Variants in CACNA1A observed in about 807,000 individuals in gnomAD.
CACNA1A encodes the protein voltage-dependent P/Q-type calcium channel subunit alpha-1A.
Under a neutral mutation model 262.4 loss-of-function variants are expected in CACNA1A, and 57 were observed. The ratio of observed to expected loss-of-function variants is 0.22; its 90% CI spans 0.18 to 0.27. The LOEUF (loss-of-function observed/expected upper bound fraction) is 0.27. Among genes scored for constraint, CACNA1A ranks in the 10% least tolerant of loss-of-function variants. CACNA1A has a pLI of 1.00. For synonymous variants in CACNA1A, 1,431 were observed against 1,419.3 expected, an observed-to-expected ratio of 1.01 and a Z score of -0.18; for missense variants, 2,526 against 3,562.8, an observed-to-expected ratio of 0.71 and a Z score of 7.41.
At chr19:13,243,013 G>T (rs1164852275) in intron 31 of CACNA1A, among the ~76,000 whole-genome samples, 1 of 152,224 alleles carries the variant, frequency 6.6e-6, no homozygotes, top group Non-Finnish European at 1.5e-5. Context: ...GTGATTGAAG[G>T]TTTCAGCTAA....
intron 46 of CACNA1A, among the ~76,000 whole-genome samples, chr19:13,208,545 G>A (rs1343032717): frequency 6.6e-6 from 1 of 151,272 alleles, no homozygotes; most frequent in Non-Finnish European, 1.5e-5. Context: ...TGGGCAAGGG[G>A]GCTGGGGGGA....
At position 13,332,860 on chromosome 19, in the gene CACNA1A, A is replaced by G. The variant is rs759656495; in HGVS notation, c.1255+9T>C. On this transcript the variant is annotated intron_variant, in intron 9 of 46. Coordinates refer to ENST00000360228, the MANE Select transcript of CACNA1A (RefSeq NM_001127222.2). ...GGACCCACCCCTGAGGTGGGTTTAG[A>G]GCAGTTACCATCAAAGGGATGCCTC... 6.2e-6 allele frequency: 10 copies of G among 1,605,642 alleles called. No individual in the cohort carries two copies. Among genetic ancestry groups the G allele is most frequent in the Admixed American group, 1.7e-5 (1 of 59,988 alleles).
chr19:13,293,987 T>C (rs1168948496), intron 19 of CACNA1A, among the ~76,000 whole-genome samples: 1 of 152,126 alleles, frequency 6.6e-6, no homozygotes, highest in Non-Finnish European at 1.5e-5. Flanking sequence ...TCCTGGCATA[T>C]TGTTAGGGAG....
At chr19:13,366,687 A>AGCC (rs1438483895) in intron 4 of CACNA1A, among the ~76,000 whole-genome samples, 1 of 151,968 alleles carries the variant, frequency 6.6e-6, no homozygotes, top group African/African-American at 2.4e-5. Context: ...TTGCTTTTGG[A>AGCC]GCCATATTCC....
chr19:13,234,861 G>A, intron 34 of CACNA1A, 60 bp downstream of exon 34: 1 of 1,128,116 alleles, frequency 8.9e-7, no homozygotes, highest in Non-Finnish European at 1.4e-6. Context: ...GGAACAGAAG[G>A]ATGAAGGCAG....
At chr19:13,262,528 G>T in intron 25 of CACNA1A, 1 of 534,334 alleles carries the variant, frequency 1.9e-6, no homozygotes. Flanking sequence ...AAGAAAAACT[G>T]CCATAATACA....
chr19:13,266,355 C>T (rs1207459466), intron 24 of CACNA1A, among the ~76,000 whole-genome samples: 2 of 152,010 alleles, frequency 1.3e-5, no homozygotes, highest in Admixed American at 1.3e-4. Context: ...TGCAGGCATG[C>T]ACCACTGCAC....
chr19:13,303,737 T>C, intron 16 of CACNA1A, 30 bp downstream of exon 16: 4 of 1,577,880 alleles, frequency 2.5e-6, no homozygotes, highest in Non-Finnish European at 3.5e-6. Context: ...GGTCCAGGCC[T>C]GTCCCCTTCT....
chr19:13,279,127 A>G (rs2057223316), intron 22 of CACNA1A, among the ~76,000 whole-genome samples: 1 of 152,154 alleles, frequency 6.6e-6, no homozygotes, highest in Admixed American at 6.5e-5. Context: ...ATGGAAGGAA[A>G]GAAGGAAGAG....
chr19:13,229,375 G>C (rs944248413), intron 36 of CACNA1A, among the ~76,000 whole-genome samples: 7 of 152,148 alleles, frequency 4.6e-5, no homozygotes, highest in Non-Finnish European at 5.9e-5. Context: ...GTTAGTGGCT[G>C]GTGGGTTCCA....
At position 13,212,423 on chromosome 19, in the gene CACNA1A, G is replaced by C; in HGVS notation, c.6150C>G (p.Gly2050=). Residue 2050 remains glycine, a synonymous_variant, in exon 42 of 47, where the codon GGC becomes GGG. Coordinates refer to ENST00000360228, the MANE Select transcript of CACNA1A (RefSeq NM_001127222.2). The surrounding 1 kb of genome is among the most constrained non-coding windows in gnomAD (Gnocchi z 5.6). Reference sequence around the variant, plus strand: ...GGCTGTTGGGCATGTCGGTAGGGGGGCCTTGTTCCGGACTCCATGTGCCCG... The same window carrying C: ...GGCTGTTGGGCATGTCGGTAGGGGGCCCTTGTTCCGGACTCCATGTGCCCG... ...QKTGTWSPEQ[G]PPTDMPNSQP... The C allele has an allele frequency of 6.2e-7, 1 of 1,613,186 alleles. No individual in the cohort carries two copies.
intron 8 of CACNA1A, 65 bp from the exon 9 acceptor site, chr19:13,332,990 A>G: frequency 7.6e-7 from 1 of 1,308,534 alleles, no homozygotes; most frequent in Non-Finnish European, 1.1e-6. Flanking sequence ...TTGGACCAGG[A>G]AGAAGGGTCT....
At chr19:13,365,176 C>T in intron 5 of CACNA1A, 141 bp downstream of exon 5, 2 of 641,608 alleles carry the variant, frequency 3.1e-6, no homozygotes, top group South Asian at 5.4e-5. Context: ...CTATTTCACT[C>T]ACTGCCTCTC....
rs1201892162 is a variant in CACNA1A, at chr19:13,402,873, C to CACATATATATATAT, written c.540-31095_540-31094insATATATATATATGT. The stretch of plus-strand genomic sequence containing the variant: ...ATATATATATACACACACACACACA[C>CACATATATATATAT]ATATATATATATATATATATATATA... On this transcript the variant is annotated intron_variant, in intron 3 of 46. Transcript: ENST00000360228. 4.1e-5 allele frequency among the ~76,000 whole-genome samples: 3 copies of CACATATATATATAT among 72,812 alleles called. 1 individual carries two copies. Among genetic ancestry groups the CACATATATATATAT allele is most frequent in the East Asian group, 3.3e-4 (1 of 3,046 alleles). The allele number at this position is 72,812 out of a possible 152,430, so 47.8% of individuals were successfully genotyped here. A position where few individuals can be genotyped will look rare whatever the true frequency, so the allele number is the denominator to read the frequency against.
chr19:13,385,871 G>C (rs982737536), intron 3 of CACNA1A, among the ~76,000 whole-genome samples: 1 of 151,930 alleles, frequency 6.6e-6, no homozygotes, highest in Non-Finnish European at 1.5e-5. Context: ...ATTTAAAGAA[G>C]AGAGTCCAGG....
At chr19:13,475,082 A>ACATG (rs1978361628) in intron 1 of CACNA1A, among the ~76,000 whole-genome samples, 1 of 152,230 alleles carries the variant, frequency 6.6e-6, no homozygotes, top group African/African-American at 2.4e-5. Flanking sequence ...TCAGAAGTTT[A>ACATG]CATGCATGTG....
intron 1 of CACNA1A, among the ~76,000 whole-genome samples, chr19:13,458,823 G>A (rs767523101): frequency 3.6e-4 from 55 of 152,182 alleles, no homozygotes; most frequent in African/African-American, 6.8e-4. Flanking sequence ...AGTGTCCCAC[G>A]CCAACAGGCT....
In CACNA1A at chr19:13,299,241, C is replaced by G. The variant is rs1380195853; in HGVS notation, c.2392G>C (p.Asp798His). The G allele has an allele frequency of 1.2e-6, 2 of 1,609,398 alleles. No individual in the cohort carries two copies. Among genetic ancestry groups the G allele is most frequent in the Non-Finnish European group, 1.7e-6 (2 of 1,179,846 alleles). Residue 798 changes from aspartate to histidine, a missense_variant, in exon 19 of 47, where the codon GAC becomes CAC. Around this residue, in one of 17 missense-constraint regions of CACNA1A, gnomAD observed 765 missense variants for 748.6 expected, o/e 1.02. Transcript: ENST00000360228. Reference sequence around the variant, plus strand: ...GCAGCCTTCCAGCGCTCGTCCGGGTCCATTTCGTTATACAGGGCCTCCCGG... The same window carrying G: ...GCAGCCTTCCAGCGCTCGTCCGGGTGCATTTCGTTATACAGGGCCTCCCGG... The part of the protein sequence containing the change: ...ASREALYNEM[D>H]PDERWKAAYT...
intron 3 of CACNA1A, among the ~76,000 whole-genome samples, chr19:13,429,959 G>A (rs992701507): frequency 7.2e-6 from 1 of 139,854 alleles, no homozygotes; most frequent in African/African-American, 2.7e-5. Flanking sequence ...GCCAGGGGCT[G>A]GGGGAGTGGG....
Sources: gnomAD v4.1 joint callset for allele counts (sites outside exome capture counted in the v4.1 genomes callset) on GRCh38, gnomAD v4.1.1 for gene constraint, gnomAD v4.1.1 regional missense constraint, Gnocchi (gnomAD v3.1) non-coding constraint, MANE v1.5 for transcripts, NCBI Gene and HGNC (gene_info 2026-07-23, HGNC 2026-07-21) for gene names.